The following PTPRD variants were observed in gnomAD, a reference collection of about 807,000 sequenced individuals.
The protein encoded by PTPRD is receptor-type tyrosine-protein phosphatase delta.
PTPRD carries 34 observed loss-of-function variants against 214.5 expected under a neutral mutation model. That is an observed-to-expected ratio of 0.16 (90% CI 0.12 to 0.21). The LOEUF is 0.21. Ranked by LOEUF, PTPRD falls within the 10% of genes least tolerant of loss-of-function variation. The pLI, the probability that PTPRD is intolerant of heterozygous loss-of-function variation, is 1.00. For missense variants in PTPRD, 2,545 were observed against 2,398.7 expected, an observed-to-expected ratio of 1.06 and a Z score of -1.27; for synonymous variants, 1,128 against 845.7, an observed-to-expected ratio of 1.33 and a Z score of -5.79.
intron 5 of PTPRD, among the ~76,000 whole-genome samples, chr9:9,861,346 A>AATG (rs1343603207): frequency 1.4e-4 from 22 of 152,050 alleles, no homozygotes; most frequent in African/African-American, 5.3e-4. Context: ...GCTGGAGTGC[A>AATG]TTGGCGCCAT....
chr9:8,714,885 G>A (rs373337847), intron 12 of PTPRD, among the ~76,000 whole-genome samples: 8 of 151,294 alleles, frequency 5.3e-5, no homozygotes, highest in African/African-American at 1.9e-4. Flanking sequence ...TTATTATATT[G>A]TATTTATTGT....
intron 5 of PTPRD, among the ~76,000 whole-genome samples, chr9:9,771,532 C>G (rs2098751692): frequency 6.6e-6 from 1 of 152,182 alleles, no homozygotes; most frequent in African/African-American, 2.4e-5. Flanking sequence ...CCTGTCAAAG[C>G]TGTCAGAAGA....
At chr9:9,785,574 A>C (rs1030048717) in intron 5 of PTPRD, among the ~76,000 whole-genome samples, 3 of 152,120 alleles carry the variant, frequency 2.0e-5, no homozygotes, top group African/African-American at 7.2e-5. Flanking sequence ...AAAATGTTTC[A>C]AGATAATGAA....
intron 8 of PTPRD, among the ~76,000 whole-genome samples, chr9:9,490,926 G>T (rs1019813386): frequency 1.3e-4 from 20 of 150,782 alleles, no homozygotes; most frequent in Non-Finnish European, 2.5e-4. Flanking sequence ...TAATTAATAT[G>T]AATATAAATG....
At chr9:10,402,603 C>T (rs1340012557) in intron 2 of PTPRD, among the ~76,000 whole-genome samples, 7 of 151,582 alleles carry the variant, frequency 4.6e-5, no homozygotes, top group Non-Finnish European at 8.9e-5. Flanking sequence ...ATTATGTTAT[C>T]CCTGACAAGA....
intron 8 of PTPRD, among the ~76,000 whole-genome samples, chr9:9,542,613 A>G (rs774037837): frequency 1.3e-5 from 2 of 151,760 alleles, no homozygotes; most frequent in Non-Finnish European, 2.9e-5. Context: ...TTGACAAATC[A>G]ATAATATAAA....
chr9:9,850,503 A>T (rs1388388565), intron 5 of PTPRD, among the ~76,000 whole-genome samples: 1 of 152,170 alleles, frequency 6.6e-6, no homozygotes, highest in African/African-American at 2.4e-5. Context: ...CATAACTAAA[A>T]CAAAAATTAA....
At chr9:10,312,557 A>T (rs1014577392) in intron 3 of PTPRD, among the ~76,000 whole-genome samples, 1 of 151,990 alleles carries the variant, frequency 6.6e-6, no homozygotes, top group Non-Finnish European at 1.5e-5. Context: ...TAAAGAAAAG[A>T]TTTGCCTGCA....
intron 11 of PTPRD, among the ~76,000 whole-genome samples, chr9:8,993,258 G>T (rs1307453612): frequency 6.6e-6 from 1 of 152,056 alleles, no homozygotes; most frequent in African/African-American, 2.4e-5. Flanking sequence ...CCCAGGACAG[G>T]TTGCTTAACT....
chr9:9,881,049 T>A (rs1238720278), intron 5 of PTPRD, among the ~76,000 whole-genome samples: 2 of 152,172 alleles, frequency 1.3e-5, no homozygotes, highest in Non-Finnish European at 2.9e-5. Flanking sequence ...AGTACGAGAA[T>A]GTCTGGAAAA....
At chr9:9,237,846 A>G (rs2099967884) in intron 9 of PTPRD, among the ~76,000 whole-genome samples, 2 of 152,146 alleles carry the variant, frequency 1.3e-5, no homozygotes, top group East Asian at 1.9e-4. Flanking sequence ...ATGATTTTTG[A>G]TGAGGTTAAC....
At chr9:8,508,906 T>C (rs1167703718) in intron 21 of PTPRD, among the ~76,000 whole-genome samples, 1 of 151,672 alleles carries the variant, frequency 6.6e-6, no homozygotes, top group African/African-American at 2.4e-5. Context: ...TGTGTGTGTG[T>C]GTGTGTGTGT....
intron 3 of PTPRD, among the ~76,000 whole-genome samples, chr9:10,295,463 C>T (rs2095647247): frequency 6.6e-6 from 1 of 151,996 alleles, no homozygotes; most frequent in African/African-American, 2.4e-5. Context: ...AAGCCAAAAA[C>T]AACAAAACTA....
intron 8 of PTPRD, among the ~76,000 whole-genome samples, chr9:9,512,558 G>A (rs773107815): frequency 5.9e-5 from 9 of 151,788 alleles, no homozygotes; most frequent in Non-Finnish European, 1.2e-4. Context: ...AATCAAAAAC[G>A]TTAATAACTA....
intron 2 of PTPRD, among the ~76,000 whole-genome samples, chr9:10,355,193 AG>A (rs2097254546): frequency 6.6e-6 from 1 of 152,148 alleles, no homozygotes; most frequent in Admixed American, 6.5e-5. Flanking sequence ...TAAGTTATTA[AG>A]AAACGTATGA....
chr9:8,522,051 G>C (rs561133962), intron 19 of PTPRD, among the ~76,000 whole-genome samples: 4 of 152,310 alleles, frequency 2.6e-5, no homozygotes, highest in African/African-American at 7.2e-5. Context: ...ACATCACCTA[G>C]AGTACACTGA....
chr9:9,060,926 A>G (rs796967817), intron 10 of PTPRD, among the ~76,000 whole-genome samples: 4 of 152,312 alleles, frequency 2.6e-5, no homozygotes, highest in African/African-American at 9.6e-5. Flanking sequence ...TTTTTAAAAA[A>G]GCAAATGACT....
intron 11 of PTPRD, among the ~76,000 whole-genome samples, chr9:8,910,239 G>T (rs184785479): frequency 1.3e-5 from 2 of 151,834 alleles, no homozygotes; most frequent in Non-Finnish European, 2.9e-5. Flanking sequence ...GGATTTCACC[G>T]TGTTAGCCAG....
At chr9:9,812,140 T>C (rs1022017996) in intron 5 of PTPRD, among the ~76,000 whole-genome samples, 2 of 152,102 alleles carry the variant, frequency 1.3e-5, no homozygotes, top group African/African-American at 4.8e-5. Context: ...TATATGCATT[T>C]TTTTTTAGAC....
Sources: gnomAD v4.1 joint callset for allele counts (sites outside exome capture counted in the v4.1 genomes callset) on GRCh38, gnomAD v4.1.1 for gene constraint, MANE v1.5 for transcripts, NCBI Gene and HGNC (gene_info 2026-07-23, HGNC 2026-07-21) for gene names.